Variants in ST18 observed in about 807,000 individuals in gnomAD.
ST18 encodes the protein suppression of tumorigenicity 18 protein.
ST18 carries 50 observed loss-of-function variants against 110.0 expected under a neutral mutation model. The observed-to-expected ratio is 0.45, with a 90% CI of 0.36 to 0.58. ST18 has a LOEUF of 0.58. Ranked by LOEUF, ST18 falls within the 20% of genes least tolerant of loss-of-function variation. The probability of loss-of-function intolerance (pLI) is 0.00; values close to 1 mark genes in which losing one functional copy is unlikely to be tolerated. For missense variants in ST18, 1,306 were observed against 1,280.1 expected (o/e 1.02, Z -0.31); for synonymous variants, 461 against 452.4 (o/e 1.02, Z -0.24).
rs188727735 is a variant in ST18, at chr8:52,384,774, T to A, written c.-465+24554A>T. ...TTACTTTTATACATTCATTCCCCTA[T>A]GTGTGTACACAGGTGTGTGTGTGTG... On this transcript the variant is annotated intron_variant, in intron 2 of 25. Coordinates refer to ENST00000689386, the MANE Select transcript of ST18 (RefSeq NM_001352837.2). Among the ~76,000 whole-genome samples, 4 of 124,054 alleles carry A rather than the reference T, an allele frequency of 3.2e-5. No individual in the cohort carries two copies. The East Asian group carries it at 9.9e-4, about 31-fold the overall frequency. The allele number at this position is 124,054 out of a possible 152,430, so 81.4% of individuals were successfully genotyped here. A position where few individuals can be genotyped will look rare whatever the true frequency, so the allele number is the denominator to read the frequency against.
At chr8:52,201,724 GTCACTTT>G (rs1455528196) in intron 8 of ST18, among the ~76,000 whole-genome samples, 8 of 152,356 alleles carry the variant, frequency 5.3e-5, no homozygotes, top group Non-Finnish European at 1.0e-4. Context: ...GGTCCTGGCA[GTCACTTT>G]GCTTCCTGAC....
At chr8:52,141,880 C>A (rs970949061) in intron 17 of ST18, among the ~76,000 whole-genome samples, 1 of 152,234 alleles carries the variant, frequency 6.6e-6, no homozygotes, top group Admixed American at 6.5e-5. Context: ...GAGTCCACAG[C>A]AGGAGTAAGT....
Position 52,319,350 on chromosome 8 carries a change from T to C in ST18, c.-464-89273A>G, listed in dbSNP as rs554977043. ...CTCTAAATCATTATAGGTTTTTGTCTACTAGATCTGTTGTTATCTGAGAAA... is the reference window on the plus strand; with the variant it reads ...CTCTAAATCATTATAGGTTTTTGTCCACTAGATCTGTTGTTATCTGAGAAA... On this transcript the variant is annotated intron_variant, in intron 2 of 25. Transcript: ENST00000689386. 1.8e-4 allele frequency among the ~76,000 whole-genome samples: 28 copies of C among 152,330 alleles called. No individual in the cohort carries two copies. In the South Asian group the frequency reaches 4.6e-3, roughly 25 times the overall value.
chr8:52,157,366 A>C (rs1158381557), intron 15 of ST18, among the ~76,000 whole-genome samples: 3 of 152,112 alleles, frequency 2.0e-5, no homozygotes, highest in Non-Finnish European at 4.4e-5. Context: ...TCATTTCAGT[A>C]ACACCAATAA....
At chr8:52,345,921 A>G (rs1817519308) in intron 2 of ST18, among the ~76,000 whole-genome samples, 1 of 152,172 alleles carries the variant, frequency 6.6e-6, no homozygotes, top group Non-Finnish European at 1.5e-5. Context: ...TAAATATATA[A>G]AAACAAAGAA....
At position 52,132,145 on chromosome 8, in the gene ST18, T is replaced by C. The variant is rs944605545; in HGVS notation, c.2479A>G (p.Ile827Val). The stretch of plus-strand genomic sequence containing the variant: ...CGGTGTGATGTGTATTTACCTGATA[T>C]GTGACCTTGGCCATCACACCCTATC... ...PVIGCDGQGH[I>V]SGKYTSHRTA... Residue 827 changes from isoleucine (I) to valine (V), a missense_variant, in exon 22 of 26, where the codon ATA becomes GTA. Coordinates refer to ENST00000689386, the MANE Select transcript of ST18 (RefSeq NM_001352837.2). 6.2e-7 allele frequency: 1 copy of C among 1,613,792 alleles called. No homozygotes were observed. The highest frequency in any genetic ancestry group is 8.5e-7 in the Non-Finnish European group (1 of 1,180,002).
chr8:52,341,742 A>C (rs1392472778), intron 2 of ST18, among the ~76,000 whole-genome samples: 1 of 152,160 alleles, frequency 6.6e-6, no homozygotes, highest in Non-Finnish European at 1.5e-5. Flanking sequence ...TTTTCCTTGC[A>C]CTTCCCACTC....
intron 8 of ST18, among the ~76,000 whole-genome samples, chr8:52,209,555 T>G (rs2081343237): frequency 6.6e-6 from 1 of 151,852 alleles, no homozygotes; most frequent in Non-Finnish European, 1.5e-5. Flanking sequence ...GTGGATCACC[T>G]GAGATCAGGA....
chr8:52,370,534 A>G (rs1354917284), intron 2 of ST18, among the ~76,000 whole-genome samples: 1 of 152,194 alleles, frequency 6.6e-6, no homozygotes, highest in African/African-American at 2.4e-5. Flanking sequence ...GGAGTCTTGA[A>G]GGAGCCACAC....
intron 2 of ST18, among the ~76,000 whole-genome samples, chr8:52,381,733 T>C (rs1311501639): frequency 6.6e-6 from 1 of 152,172 alleles, no homozygotes; most frequent in Non-Finnish European, 1.5e-5. Context: ...CACTGAGTGT[T>C]ATTAGTATGT....
intron 17 of ST18, 97 bp downstream of exon 17, chr8:52,142,832 TA>T (rs1278380201): frequency 1.4e-5 from 12 of 880,052 alleles, no homozygotes. Context: ...GAAATCACCC[TA>T]ACATCAACTG....
chr8:52,367,264 A>ACACACACG (rs1828444806), intron 2 of ST18, among the ~76,000 whole-genome samples: 1 of 151,398 alleles, frequency 6.6e-6, no homozygotes, highest in African/African-American at 2.4e-5. Flanking sequence ...ACACACACAC[A>ACACACACG]CACACAAAGA....
At chr8:52,361,395 T>C (rs1825680570) in intron 2 of ST18, among the ~76,000 whole-genome samples, 1 of 152,156 alleles carries the variant, frequency 6.6e-6, no homozygotes, top group African/African-American at 2.4e-5. Context: ...AATCAGCAGA[T>C]TGATCAAGAC....
At chr8:52,331,210 T>C (rs970255687) in intron 2 of ST18, among the ~76,000 whole-genome samples, 3 of 152,180 alleles carry the variant, frequency 2.0e-5, no homozygotes, top group Admixed American at 6.5e-5. Flanking sequence ...ACTGTACATC[T>C]TGTCAACCCA....
chr8:52,378,960 C>G (rs945343017), intron 2 of ST18, among the ~76,000 whole-genome samples: 2 of 152,132 alleles, frequency 1.3e-5, no homozygotes, highest in Non-Finnish European at 2.9e-5. Context: ...ATTCTGCATC[C>G]CTCATCATGC....
At chr8:52,350,709 C>T (rs1819895224) in intron 2 of ST18, among the ~76,000 whole-genome samples, 1 of 151,762 alleles carries the variant, frequency 6.6e-6, no homozygotes, top group Non-Finnish European at 1.5e-5. Flanking sequence ...TCTCGTGTCA[C>T]TTGATATATA....
intron 2 of ST18, among the ~76,000 whole-genome samples, chr8:52,267,276 G>T (rs932226346): frequency 1.2e-4 from 18 of 152,014 alleles, no homozygotes; most frequent in Admixed American, 1.0e-3. Flanking sequence ...TATTAGGAGG[G>T]TGAGAAAGAG....
chr8:52,169,008 C>G (rs538416057), intron 10 of ST18, among the ~76,000 whole-genome samples: 2 of 152,108 alleles, frequency 1.3e-5, no homozygotes, highest in Non-Finnish European at 2.9e-5. Context: ...AAAGGATTGG[C>G]GTCGCACACT....
chr8:52,389,104 C>G (rs879560935), intron 2 of ST18, among the ~76,000 whole-genome samples: 5 of 152,056 alleles, frequency 3.3e-5, no homozygotes, highest in East Asian at 3.9e-4. Context: ...CAAGAGGAGG[C>G]GAGGCGAGCC....
Sources: gnomAD v4.1 joint callset for allele counts (sites outside exome capture counted in the v4.1 genomes callset) on GRCh38, gnomAD v4.1.1 for gene constraint, MANE v1.5 for transcripts, NCBI Gene and HGNC (gene_info 2026-07-23, HGNC 2026-07-21) for gene names.